DLGAP1: variants seen among roughly 807,000 people sequenced by gnomAD.
The protein encoded by DLGAP1 is DLG associated protein 1.
Under a neutral mutation model 90.8 loss-of-function variants are expected in DLGAP1, and 11 were observed. That is an observed-to-expected ratio of 0.12 (90% confidence interval 0.08 to 0.20). The LOEUF (loss-of-function observed/expected upper bound fraction) is 0.20. Among genes scored for constraint, DLGAP1 ranks in the 10% least tolerant of loss-of-function variants. The pLI is 1.00. For missense variants in DLGAP1, 1,050 were observed against 1,333.8 expected (o/e 0.79, Z 3.31); for synonymous variants, 558 against 540.7 (o/e 1.03, Z -0.44).
rs767397638 is a variant in DLGAP1 at position 3,729,353 on chromosome 18, C to G, written c.1373G>C (p.Gly458Ala). 29 of 1,613,190 alleles carry G rather than the reference C, an allele frequency of 1.8e-5. No homozygotes were observed. The highest frequency in any genetic ancestry group is 3.4e-6 in the Non-Finnish European group (4 of 1,179,348). Residue 458 changes from glycine (G) to alanine (A), a missense_variant, in exon 7 of 13, where the codon GGG (glycine) becomes GCG (alanine). Gly to Ala is a moderately conservative substitution (Grantham distance 60). This residue lies in a region of DLGAP1 where 565 missense variants were observed against 879.7 expected (regional missense o/e 0.64). Transcript: ENST00000315677. The surrounding 1 kb of genome is among the most constrained non-coding windows in gnomAD (Gnocchi z 6.2). ...GGACTCGCACACGGACTCGAACTGC[C>G]CGTTCACTTCCATCTCGCTCACCTG... ...ISQVSEMEVN[G>A]QFESVCESVF... is the part of the protein sequence containing the mutation.
intron 7 of DLGAP1, among the ~76,000 whole-genome samples, chr18:3,656,706 T>G (rs542970907): frequency 6.6e-6 from 1 of 152,142 alleles, no homozygotes. Flanking sequence ...GTCAGTACCC[T>G]TGACTGATAT....
intron 3 of DLGAP1, among the ~76,000 whole-genome samples, chr18:3,937,838 C>A (rs1050088628): frequency 6.6e-6 from 1 of 152,162 alleles, no homozygotes; most frequent in African/African-American, 2.4e-5. Flanking sequence ...GGCTTTGGAG[C>A]AGACTGCGTT....
At chr18:3,507,952 G>A (rs1447919092) in intron 11 of DLGAP1, among the ~76,000 whole-genome samples, 1 of 152,130 alleles carries the variant, frequency 6.6e-6, no homozygotes, top group Non-Finnish European at 1.5e-5. Context: ...GGCCAGGCTG[G>A]TCTCGAACTC....
intron 2 of DLGAP1, among the ~76,000 whole-genome samples, chr18:4,137,146 C>T (rs192361665): frequency 3.3e-5 from 5 of 151,974 alleles, no homozygotes; most frequent in East Asian, 1.9e-4. Context: ...TGAGAACATG[C>T]GGTGTTTGGT....
chr18:4,430,786 G>A (rs547924744), intron 1 of DLGAP1: 6 of 152,196 alleles, frequency 3.9e-5, no homozygotes, highest in East Asian at 3.9e-4. Flanking sequence ...GCTGCCATTA[G>A]GAATTTAAAC....
In DLGAP1 at chr18:4,052,279, G is replaced by T. The variant is rs552906163; in HGVS notation, c.-158-47078C>A. ...AGATTCTCCTGAGGGATCTGCCCCT[G>T]CAGTAAACTTCTGCTTGGATATCCA... On this transcript the variant is annotated intron_variant, in intron 2 of 12. Coordinates refer to ENST00000315677, the MANE Select transcript of DLGAP1 (RefSeq NM_004746.4). Among the ~76,000 whole-genome samples, 269 of 152,292 alleles carry T rather than the reference G, an allele frequency of 1.8e-3. 1 individual carries two copies. Among genetic ancestry groups the T allele is most frequent in the African/African-American group, 6.4e-3 (264 of 41,574 alleles).
chr18:3,802,128 G>T (rs1383671218), intron 5 of DLGAP1, among the ~76,000 whole-genome samples: 2 of 152,124 alleles, frequency 1.3e-5, no homozygotes, highest in East Asian at 3.9e-4. Flanking sequence ...GGGACTACAG[G>T]TGTGTGCCAC....
intron 5 of DLGAP1, among the ~76,000 whole-genome samples, chr18:3,780,956 T>C (rs1485497830): frequency 6.6e-6 from 1 of 152,074 alleles, no homozygotes. Flanking sequence ...ACTACAGACA[T>C]GCACCTCCAT....
At chr18:3,559,640 T>C (rs958604985) in intron 9 of DLGAP1, among the ~76,000 whole-genome samples, 2 of 150,524 alleles carry the variant, frequency 1.3e-5, no homozygotes, top group African/African-American at 4.9e-5. Context: ...TTTTTTTTTT[T>C]TTTGCGGAGT....
chr18:4,367,600 A>G (rs1424846367), intron 1 of DLGAP1, among the ~76,000 whole-genome samples: 1 of 152,200 alleles, frequency 6.6e-6, no homozygotes, highest in Non-Finnish European at 1.5e-5. Flanking sequence ...CAAGAAACTT[A>G]ACACTTGGGG....
intron 2 of DLGAP1, among the ~76,000 whole-genome samples, chr18:4,112,120 T>C (rs2075985313): frequency 6.6e-6 from 1 of 152,044 alleles, no homozygotes; most frequent in African/African-American, 2.4e-5. Flanking sequence ...TACATTTTGG[T>C]ACGTTGTACT....
At chr18:4,189,481 G>T (rs2144720539) in intron 1 of DLGAP1, among the ~76,000 whole-genome samples, 1 of 152,108 alleles carries the variant, frequency 6.6e-6, no homozygotes, top group East Asian at 1.9e-4. Context: ...AATCAAAGAA[G>T]GTCTAAATAA....
At chr18:4,408,289 G>A (rs774858073) in intron 1 of DLGAP1, among the ~76,000 whole-genome samples, 1 of 152,052 alleles carries the variant, frequency 6.6e-6, no homozygotes, top group Non-Finnish European at 1.5e-5. Context: ...CAGGGGGTGG[G>A]AGAACAGAGG....
At chr18:3,503,385 T>C (rs1010966290) in intron 11 of DLGAP1, among the ~76,000 whole-genome samples, 1 of 152,224 alleles carries the variant, frequency 6.6e-6, no homozygotes, top group Non-Finnish European at 1.5e-5. Context: ...TGTTTCAGGA[T>C]TGACTTTCTT....
At chr18:4,404,882 C>T (rs548754343) in intron 1 of DLGAP1, among the ~76,000 whole-genome samples, 2 of 151,800 alleles carry the variant, frequency 1.3e-5, no homozygotes, top group East Asian at 3.9e-4. Flanking sequence ...ATAATAACAA[C>T]AAAAAAGGCT....
intron 1 of DLGAP1, among the ~76,000 whole-genome samples, chr18:4,176,799 T>C (rs191830583): frequency 6.6e-6 from 1 of 152,314 alleles, no homozygotes; most frequent in East Asian, 1.9e-4. Context: ...TGTGTGAGAA[T>C]TGGAAGAAGG....
intron 1 of DLGAP1, among the ~76,000 whole-genome samples, chr18:4,315,166 C>T (rs1322848631): frequency 6.6e-6 from 1 of 152,164 alleles, no homozygotes; most frequent in Non-Finnish European, 1.5e-5. Flanking sequence ...TCAATTTCCT[C>T]ATCTGCCAAA....
chr18:3,903,979 A>G (rs750931653), intron 3 of DLGAP1, among the ~76,000 whole-genome samples: 7 of 152,230 alleles, frequency 4.6e-5, no homozygotes, highest in Non-Finnish European at 1.0e-4. Flanking sequence ...GATCTCCTAG[A>G]GAGATGGGTT....
At chr18:4,266,267 G>C (rs1196822481) in intron 1 of DLGAP1, among the ~76,000 whole-genome samples, 2 of 152,156 alleles carry the variant, frequency 1.3e-5, no homozygotes, top group Admixed American at 1.3e-4. Flanking sequence ...CCCTCAAGCT[G>C]GGAAAGAATG....
Sources: allele counts gnomAD v4.1 joint callset (sites outside exome capture counted in the v4.1 genomes callset), GRCh38; gene constraint gnomAD v4.1.1; regional missense constraint gnomAD v4.1.1; non-coding constraint Gnocchi (gnomAD v3.1); transcripts MANE v1.5; gene names NCBI Gene and HGNC (gene_info 2026-07-23, HGNC 2026-07-21).